The following IDE variants were observed in gnomAD, a reference collection of about 807,000 sequenced individuals.
The protein encoded by IDE is insulin-degrading enzyme.
A neutral mutation model predicts 133.2 loss-of-function variants in IDE; 58 were observed. That is an observed-to-expected ratio of 0.44 (90% CI 0.35 to 0.54). The LOEUF (loss-of-function observed/expected upper bound fraction) is 0.54. Among genes scored for constraint, IDE ranks in the 20% least tolerant of loss-of-function variants. The pLI, the probability that IDE is intolerant of heterozygous loss-of-function variation, is 0.00. For missense variants in IDE, 981 were observed against 1,234.0 expected, an observed-to-expected ratio of 0.79 and a Z score of 3.07; for synonymous variants, 396 against 421.3, an observed-to-expected ratio of 0.94 and a Z score of 0.73.
chr10:92,528,246 T>C (rs1849731079), intron 4 of IDE, among the ~76,000 whole-genome samples: 1 of 152,216 alleles, frequency 6.6e-6, no homozygotes, highest in Non-Finnish European at 1.5e-5. Context: ...AGAAATCCTT[T>C]GAAACCTCCA....
intron 4 of IDE, among the ~76,000 whole-genome samples, chr10:92,530,216 G>C (rs1849842424): frequency 6.7e-6 from 1 of 150,304 alleles, no homozygotes; most frequent in Non-Finnish European, 1.5e-5. Flanking sequence ...ATAAGAGCCA[G>C]ACTCCGTCTC....
chr10:92,512,799 T>C (rs1260138191), intron 5 of IDE, among the ~76,000 whole-genome samples: 1 of 152,148 alleles, frequency 6.6e-6, no homozygotes, highest in East Asian at 1.9e-4. Context: ...GCAGAAAACT[T>C]AGAAACAAAA....
rs35270297 is a variant in IDE, at chr10:92,514,835, T to G, written c.784+85A>C. The G allele has an allele frequency of 8.1e-6, 9 of 1,116,020 alleles. No individual in the cohort carries two copies. In the East Asian group the frequency reaches 2.2e-4, roughly 27 times the overall value. The allele number at this position is 1,116,020 out of a possible 1,614,324, so 69.1% of individuals were successfully genotyped here. ...TGCTGAGCAAATAAGCAGCTCTATC[T>G]TATATCCATCTTCTAACACTGTGAA... On this transcript the variant is annotated intron_variant, in intron 5 of 24. Transcript: ENST00000265986.
At chr10:92,468,755 G>A (rs1168027571) in intron 19 of IDE, 124 bp downstream of exon 19, 41 of 537,176 alleles carry the variant, frequency 7.6e-5, no homozygotes, top group African/African-American at 1.9e-5. Flanking sequence ...TCATAATTCT[G>A]TAAATAGGAG....
At position 92,560,777 on chromosome 10, in the gene IDE, C is replaced by A. The variant is rs7078418; in HGVS notation, c.98+13145G>T. ...CAGCCTAGGCGACAGAGCGAGACTCCGTCTCAAAAAAAAAAAAAGATTGAG... is the reference window on the plus strand; with the variant it reads ...CAGCCTAGGCGACAGAGCGAGACTCAGTCTCAAAAAAAAAAAAAGATTGAG... On this transcript the variant is annotated intron_variant, in intron 1 of 24. Coordinates refer to ENST00000265986, the MANE Select transcript of IDE (RefSeq NM_004969.4). Among the ~76,000 whole-genome samples, 24 of 150,542 alleles carry A rather than the reference C, an allele frequency of 1.6e-4. 1 individual carries two copies. The highest frequency in any genetic ancestry group is 3.1e-4 in the Non-Finnish European group (21 of 67,676).
At chr10:92,455,704 A>C in intron 23 of IDE, 61 bp from the exon 24 acceptor site, 1 of 947,976 alleles carries the variant, frequency 1.1e-6, no homozygotes, top group Non-Finnish European at 1.7e-6. Flanking sequence ...AAAGAACAAA[A>C]AAAAAAAACT....
chr10:92,477,987 G>A (rs1283222926), intron 15 of IDE, among the ~76,000 whole-genome samples: 1 of 152,052 alleles, frequency 6.6e-6, no homozygotes, highest in Admixed American at 6.6e-5. Context: ...TTTAAACAAC[G>A]AGTACCCCAA....
chr10:92,458,057 A>C (rs1845123956), intron 22 of IDE, among the ~76,000 whole-genome samples: 1 of 152,204 alleles, frequency 6.6e-6, no homozygotes, highest in Non-Finnish European at 1.5e-5. Context: ...TACCCACATC[A>C]GCAGACAGCA....
chr10:92,551,661 T>C (rs1589527826), intron 1 of IDE, among the ~76,000 whole-genome samples: 1 of 151,188 alleles, frequency 6.6e-6, no homozygotes, highest in East Asian at 1.9e-4. Context: ...AGTAGTCAAA[T>C]TCACAGACAG....
At chr10:92,491,988 T>C (rs1300145394) in intron 11 of IDE, among the ~76,000 whole-genome samples, 1 of 151,830 alleles carries the variant, frequency 6.6e-6, no homozygotes, top group Non-Finnish European at 1.5e-5. Flanking sequence ...AGGATGGGCA[T>C]GGTGACTCAT....
intron 17 of IDE, among the ~76,000 whole-genome samples, chr10:92,471,953 A>G (rs767421708): frequency 2.6e-5 from 4 of 152,116 alleles, no homozygotes; most frequent in East Asian, 1.9e-4. Context: ...GGCTGGGTGC[A>G]TGGCAGGCAG....
At chr10:92,521,992 G>T (rs1319808807) in intron 4 of IDE, among the ~76,000 whole-genome samples, 1 of 151,956 alleles carries the variant, frequency 6.6e-6, no homozygotes, top group Non-Finnish European at 1.5e-5. Flanking sequence ...ATTGGCCAGG[G>T]GCAGGGTGAT....
chr10:92,542,264 C>A (rs1842345486), intron 1 of IDE, among the ~76,000 whole-genome samples: 1 of 152,306 alleles, frequency 6.6e-6, no homozygotes, highest in South Asian at 2.1e-4. Context: ...AGGTGATCCT[C>A]CCACCTCAGC....
In IDE at chr10:92,462,632, A is replaced by G. The variant is rs769803919; in HGVS notation, c.2761+1099T>C. On this transcript the variant is annotated intron_variant, in intron 21 of 24. Transcript: ENST00000265986. The stretch of plus-strand genomic sequence containing the variant: ...TAAAAAAAAAATAATAAGTGGATGT[A>G]GTGCAATGGGTAAGAGCCTTGGCTC... Among the ~76,000 whole-genome samples the G allele has an allele frequency of 1.1e-3, 169 of 152,052 alleles. 1 individual carries two copies. The highest frequency in any genetic ancestry group is 1.6e-3 in the Non-Finnish European group (108 of 68,022).
chr10:92,570,365 T>G (rs1843728200), intron 1 of IDE, among the ~76,000 whole-genome samples: 1 of 152,208 alleles, frequency 6.6e-6, no homozygotes, highest in Non-Finnish European at 1.5e-5. Flanking sequence ...ATCTTTGCAT[T>G]TACATAGTAC....
intron 22 of IDE, 119 bp from the exon 23 acceptor site, chr10:92,456,550 C>A: frequency 2.7e-6 from 2 of 753,222 alleles, no homozygotes; most frequent in Admixed American, 2.0e-5. Context: ...AAGATGCTTC[C>A]CTTTCTGGCC....
chr10:92,523,522 G>C (rs1051707802), intron 4 of IDE, among the ~76,000 whole-genome samples: 2 of 147,730 alleles, frequency 1.4e-5, no homozygotes, highest in Non-Finnish European at 3.0e-5. Context: ...TGGCCAACAT[G>C]GTCTCTACTT....
In IDE at chr10:92,510,804, T is replaced by C. The variant is rs575796776; in HGVS notation, c.785-642A>G. On this transcript the variant is annotated intron_variant, in intron 5 of 24. Transcript: ENST00000265986. ...TACATCTCACATGATATATAGCACATACATATCACATATATGATATATAGC... is the reference window on the plus strand; with the variant it reads ...TACATCTCACATGATATATAGCACACACATATCACATATATGATATATAGC... 7.8e-4 allele frequency among the ~76,000 whole-genome samples: 117 copies of C among 150,616 alleles called. 1 individual carries two copies. The highest frequency in any genetic ancestry group is 1.3e-3 in the Non-Finnish European group (85 of 67,564).
At chr10:92,489,552 A>G (rs1847222856) in intron 12 of IDE, among the ~76,000 whole-genome samples, 1 of 152,106 alleles carries the variant, frequency 6.6e-6, no homozygotes, top group East Asian at 1.9e-4. Flanking sequence ...ATTCCCATTC[A>G]GGGCAGGTTG....
Sources: gnomAD v4.1 joint callset for allele counts (sites outside exome capture counted in the v4.1 genomes callset) on GRCh38, gnomAD v4.1.1 for gene constraint, MANE v1.5 for transcripts, NCBI Gene and HGNC (gene_info 2026-07-23, HGNC 2026-07-21) for gene names.